FKBP3: variants seen among roughly 807,000 people sequenced by gnomAD.
The protein encoded by FKBP3 is peptidyl-prolyl cis-trans isomerase FKBP3.
In FKBP3, 21 loss-of-function variants were observed where a neutral mutation model predicts 30.6. The observed-to-expected ratio is 0.69, with a 90% CI of 0.49 to 0.99. The LOEUF (loss-of-function observed/expected upper bound fraction) is 0.99, where lower values mean the gene tolerates loss of function less well. Among genes scored for constraint, FKBP3 ranks in the 50% least tolerant of loss-of-function variants. The pLI is 0.00. For missense variants in FKBP3, 283 were observed against 261.6 expected (o/e 1.08, Z -0.56); for synonymous variants, 82 against 91.3 (o/e 0.90, Z 0.58).
intron 1 of FKBP3, among the ~76,000 whole-genome samples, chr14:45,132,956 C>T (rs1209377550): frequency 6.6e-6 from 1 of 152,130 alleles, no homozygotes; most frequent in East Asian, 1.9e-4. Flanking sequence ...GAAAATAGTT[C>T]CATTAAAATG....
chr14:45,129,802 G>T lies in FKBP3; in HGVS notation c.310C>A (p.Leu104Met). ...KPKETKSEET[L>M]DEGPPKYTKS... ...AATAATTATATACAGACCTCATCCA[G>T]GGTCTCTTCAGACTTGGTTTCTTTG... Residue 104 changes from leucine to methionine, a missense_variant, in exon 3 of 7, where the codon CTG (leucine) becomes ATG (methionine). Physicochemically the swap from Leu to Met is conservative, Grantham distance 15 (BLOSUM62 2). Coordinates refer to ENST00000396062, the MANE Select transcript of FKBP3 (RefSeq NM_002013.4). 1 of 1,596,656 alleles carries T rather than the reference G, an allele frequency of 6.3e-7. No individual in the cohort carries two copies. The highest frequency in any genetic ancestry group is 8.6e-7 in the Non-Finnish European group (1 of 1,166,688).
chr14:45,116,466 G>GGC (rs1460679803), intron 6 of FKBP3, among the ~76,000 whole-genome samples: 5 of 128,266 alleles, frequency 3.9e-5, no homozygotes, highest in Admixed American at 7.5e-5. Context: ...CATTCTAGCT[G>GGC]GGGGGGGGTG....
chr14:45,132,681 C>G (rs1007644374), intron 1 of FKBP3, among the ~76,000 whole-genome samples: 1 of 151,960 alleles, frequency 6.6e-6, no homozygotes, highest in Non-Finnish European at 1.5e-5. Flanking sequence ...GTGATCCGCC[C>G]GCTTTGGCCT....
rs780907496 is a variant in FKBP3, at chr14:45,129,775, AAAAT to A, written c.318+15_318+18del. ...TCTAGACTCCACATGATAAAATAAA[AAAAT>A]AATTATATACAGACCTCATCCAGGG... On this transcript the variant is annotated intron_variant, in intron 3 of 6. Transcript: ENST00000396062. 572 of 1,430,968 alleles carry A rather than the reference AAAAT, an allele frequency of 4.0e-4. 1 individual carries two copies. The highest frequency in any genetic ancestry group is 1.8e-3 in the Admixed American group (82 of 45,718). The allele number at this position is 1,430,968 out of a possible 1,614,324, so 88.6% of individuals were successfully genotyped here. A position where few individuals can be genotyped will look rare whatever the true frequency, so the allele number is the denominator to read the frequency against.
intron 1 of FKBP3, chr14:45,131,002 C>T: frequency 2.2e-6 from 1 of 457,444 alleles, no homozygotes; most frequent in Non-Finnish European, 3.9e-6. Flanking sequence ...GAATTAGTGA[C>T]AAGACTGCAA....
chr14:45,121,064 G>T (rs1213998102), intron 4 of FKBP3, 110 bp from the exon 5 acceptor site: 2 of 862,794 alleles, frequency 2.3e-6, no homozygotes, highest in Non-Finnish European at 3.6e-6. Context: ...TTTGATTTCA[G>T]AATTACAATA....
intron 1 of FKBP3, among the ~76,000 whole-genome samples, chr14:45,132,372 G>A (rs1055961250): frequency 6.6e-6 from 1 of 151,934 alleles, no homozygotes; most frequent in Non-Finnish European, 1.5e-5. Context: ...TCAAGTATAG[G>A]TCTAAGTGTT....
At position 45,120,911 on chromosome 14, in the gene FKBP3, G is replaced by T; in HGVS notation, c.498C>A (p.Val166=). ...CTCCTCTGATAACTTTGCCTACTCCGACCTTAAAACTTAAAGGCTTGGCAT... is the reference window on the plus strand; with the variant it reads ...CTCCTCTGATAACTTTGCCTACTCCTACCTTAAAACTTAAAGGCTTGGCAT... ...KKNAKPLSFK[V]GVGKVIRGWD... is the part of the protein sequence containing the mutation. The change falls in exon 5 of 7, where the codon GTC becomes GTA. Residue 166 remains valine, a synonymous_variant. Coordinates refer to ENST00000396062, the MANE Select transcript of FKBP3 (RefSeq NM_002013.4). The T allele has an allele frequency of 1.2e-6, 2 of 1,613,088 alleles. No homozygotes were observed. The highest frequency in any genetic ancestry group is 2.2e-5 in the South Asian group (2 of 91,046).
intron 3 of FKBP3, among the ~76,000 whole-genome samples, chr14:45,123,305 G>A (rs774908684): frequency 6.6e-6 from 1 of 151,966 alleles, no homozygotes; most frequent in African/African-American, 2.4e-5. Context: ...TTCAACCTTG[G>A]ACTATAAAGA....
chr14:45,118,540 G>C (rs1251740824), intron 5 of FKBP3, among the ~76,000 whole-genome samples: 4 of 151,766 alleles, frequency 2.6e-5, no homozygotes, highest in Non-Finnish European at 5.9e-5. Context: ...CTGAGGCAGG[G>C]GAATCACTTG....
chr14:45,133,861 C>T (rs1885285824), intron 1 of FKBP3, among the ~76,000 whole-genome samples: 1 of 152,164 alleles, frequency 6.6e-6, no homozygotes, highest in African/African-American at 2.4e-5. Context: ...AAACCACAAC[C>T]TACGGATTTT....
chr14:45,120,869 T>C lies in FKBP3; in HGVS notation c.522+18A>G, dbSNP rs377144510. On this transcript the variant is annotated intron_variant, in intron 5 of 6. Coordinates refer to ENST00000396062, the MANE Select transcript of FKBP3 (RefSeq NM_002013.4). ...ATATGCCAGAATATCTACTGATTCATTGGCATTCTTTACTTACTCCTCTGA... is the reference window on the plus strand; with the variant it reads ...ATATGCCAGAATATCTACTGATTCACTGGCATTCTTTACTTACTCCTCTGA... The C allele has an allele frequency of 2.8e-5, 44 of 1,594,578 alleles. No homozygotes were observed. The highest frequency in any genetic ancestry group is 8.0e-5 in the African/African-American group (6 of 74,596).
Position 45,116,221 on chromosome 14 carries a change from C to T in FKBP3, c.652G>A (p.Val218Met). 6.2e-7 allele frequency: 1 copy of T among 1,613,138 alleles called. No individual in the cohort carries two copies. The highest frequency in any genetic ancestry group is 8.5e-7 in the Non-Finnish European group (1 of 1,179,222). Reference protein sequence around the residue: ...IPPNAKLTFEVELVDID With the variant: ...IPPNAKLTFEMELVDID ...TTTCAATCAATATCCACTAATTCCA[C>T]TTCAAAAGTGAGTTTTGCATTTGGT... The change falls in exon 7 of 7, where the codon GTG (valine) becomes ATG (methionine). Residue 218 changes from valine (V) to methionine (M), a missense_variant. Transcript: ENST00000396062.
Position 45,123,715 on chromosome 14 carries a change from C to T in FKBP3, c.319-2095G>A, listed in dbSNP as rs111259451. Among the ~76,000 whole-genome samples, 214 of 147,870 alleles carry T rather than the reference C, an allele frequency of 1.4e-3. 1 individual carries two copies. The highest frequency in any genetic ancestry group is 2.3e-3 in the Non-Finnish European group (153 of 67,110). ...TTGCAAGCTCTGCCTCCCGGGTTCA[C>T]GCCATTCTCCCGCCTCAGCCTCCCA... On this transcript the variant is annotated intron_variant, in intron 3 of 6. Coordinates refer to ENST00000396062, the MANE Select transcript of FKBP3 (RefSeq NM_002013.4).
At chr14:45,120,293 A>T (rs575132928) in intron 5 of FKBP3, among the ~76,000 whole-genome samples, 1 of 152,308 alleles carries the variant, frequency 6.6e-6, no homozygotes, top group East Asian at 1.9e-4. Context: ...AATGGTCAGT[A>T]CGGGTCAAGC....
Position 45,134,329 on chromosome 14 carries a change from C to T in FKBP3, c.108+20G>A, listed in dbSNP as rs1483183890. ...CGTCCCTCAGCCGCACCAGCCCGGC[C>T]GCCCCTACGCCTCTGGTACCGAATC... On this transcript the variant is annotated intron_variant, in intron 1 of 6. Transcript: ENST00000396062. 3 of 1,588,770 alleles carry T rather than the reference C, an allele frequency of 1.9e-6. No individual in the cohort carries two copies. The highest frequency in any genetic ancestry group is 2.6e-6 in the Non-Finnish European group (3 of 1,158,316).
intron 3 of FKBP3, among the ~76,000 whole-genome samples, chr14:45,123,888 G>C (rs112915930): frequency 0.1 from 15,120 of 151,850 alleles, 981 homozygotes; most frequent in African/African-American, 0.18. Context: ...AAAGTGCTGG[G>C]ATTACAAGCG....
chr14:45,117,375 C>G (rs1884871137), intron 6 of FKBP3, among the ~76,000 whole-genome samples: 1 of 152,180 alleles, frequency 6.6e-6, no homozygotes, highest in African/African-American at 2.4e-5. Flanking sequence ...TTTTTTCAAA[C>G]TTAATCTGAT....
chr14:45,129,746 A>C (rs369926132), intron 3 of FKBP3, 48 bp downstream of exon 3: 5 of 1,173,384 alleles, frequency 4.3e-6, no homozygotes, highest in African/African-American at 1.6e-5. Flanking sequence ...AAATAAATAC[A>C]ATTTCTAGAC....
Sources: gnomAD v4.1 joint callset for allele counts (sites outside exome capture counted in the v4.1 genomes callset) on GRCh38, gnomAD v4.1.1 for gene constraint, MANE v1.5 for transcripts, NCBI Gene and HGNC (gene_info 2026-07-23, HGNC 2026-07-21) for gene names.